Variants in PSMB1 observed in about 807,000 individuals in gnomAD.
The protein encoded by PSMB1 is proteasome 20S subunit beta 1, also known as proteasome subunit beta type-1.
A neutral mutation model predicts 25.4 loss-of-function variants in PSMB1; 7 were observed. That is an observed-to-expected ratio of 0.28 (90% confidence interval 0.16 to 0.52). The LOEUF is 0.52. Among genes scored for constraint, PSMB1 ranks in the 20% least tolerant of loss-of-function variants. The pLI is 0.97. For synonymous variants in PSMB1, 119 were observed against 115.0 expected (o/e 1.03, Z -0.22); for missense variants, 284 against 302.2 (o/e 0.94, Z 0.45).
At chr6:170,549,692 C>T (rs9356663) in intron 1 of PSMB1, 87,873 of 152,046 alleles carry the variant, frequency 0.58, 26,391 homozygotes, top group East Asian at 0.79. Context: ...AAAAGCAGAC[C>T]GCCTGGGTTC....
intron 1 of PSMB1, 81 bp from the exon 2 acceptor site, chr6:170,549,194 T>A (rs1403703372): frequency 2.8e-6 from 2 of 718,690 alleles, no homozygotes; most frequent in African/African-American, 3.6e-5. Context: ...TAGTACATAA[T>A]GGGATAAAAT....
At chr6:170,544,365 A>G (rs1406154618) in intron 3 of PSMB1, among the ~76,000 whole-genome samples, 1 of 152,202 alleles carries the variant, frequency 6.6e-6, no homozygotes, top group Admixed American at 6.5e-5. Flanking sequence ...TCCTTAAAAC[A>G]TCTACAGTAG....
rs1000678322 is a variant in PSMB1, at chr6:170,553,122, G to A, written c.113+8C>T. Reference sequence around the variant, plus strand: ...AAAGTGAAAGCCGCAGCTCTCTGGGGTTTTTACCCTCCGTTGAAAACGTAG... The same window carrying A: ...AAAGTGAAAGCCGCAGCTCTCTGGGATTTTTACCCTCCGTTGAAAACGTAG... On this transcript the variant is annotated splice_region_variant and intron_variant, in intron 1 of 5. Transcript: ENST00000262193. The A allele has an allele frequency of 1.2e-6, 2 of 1,601,064 alleles. No homozygotes were observed. The highest frequency in any genetic ancestry group is 1.7e-5 in the Admixed American group (1 of 58,538).
intron 3 of PSMB1, among the ~76,000 whole-genome samples, chr6:170,545,464 T>G (rs111609312): frequency 3.4e-4 from 51 of 152,202 alleles, no homozygotes; most frequent in African/African-American, 1.1e-3. Flanking sequence ...AAAAAGCATG[T>G]GTCAGTTAAA....
intron 1 of PSMB1, among the ~76,000 whole-genome samples, 178 bp downstream of exon 1, chr6:170,552,952 G>A (rs966360956): frequency 9.9e-5 from 15 of 152,256 alleles, no homozygotes; most frequent in African/African-American, 3.4e-4. Flanking sequence ...AGCCTGAAGA[G>A]GGAAACACAG....
chr6:170,539,690 C>CA (rs1174829822), intron 4 of PSMB1, among the ~76,000 whole-genome samples: 1 of 151,238 alleles, frequency 6.6e-6, no homozygotes, highest in South Asian at 2.1e-4. Context: ...CAACAAAATA[C>CA]AAAAAAAAAT....
intron 3 of PSMB1, 55 bp downstream of exon 3, chr6:170,546,048 A>C (rs1210528040): frequency 6.8e-7 from 1 of 1,466,708 alleles, no homozygotes; most frequent in African/African-American, 1.4e-5. Flanking sequence ...GCTTAAAAGA[A>C]TTTAATGAAT....
At chr6:170,549,273 C>G in intron 1 of PSMB1, 160 bp from the exon 2 acceptor site, 1 of 513,468 alleles carries the variant, frequency 1.9e-6, no homozygotes, top group Admixed American at 3.6e-5. Context: ...GAATGAACGC[C>G]TGGCTACGAG....
chr6:170,553,288 G>T lies in PSMB1; in HGVS notation c.-46C>A. On this transcript the variant is annotated 5_prime_UTR_variant, in exon 1 of 6. Transcript: ENST00000262193. ...TCCGACACTTGCTGTCTCACGGCGAGATGGCTGCCTTGACCGGACGTTACG... is the reference window on the plus strand; with the variant it reads ...TCCGACACTTGCTGTCTCACGGCGATATGGCTGCCTTGACCGGACGTTACG... 1.4e-6 allele frequency: 2 copies of T among 1,444,978 alleles called. No individual in the cohort carries two copies. Among genetic ancestry groups the T allele is most frequent in the Non-Finnish European group, 1.9e-6 (2 of 1,041,386 alleles). The allele number at this position is 1,444,978 out of a possible 1,614,324, so 89.5% of individuals were successfully genotyped here. A position where few individuals can be genotyped will look rare whatever the true frequency, so the allele number is the denominator to read the frequency against.
intron 3 of PSMB1, among the ~76,000 whole-genome samples, 162 bp from the exon 4 acceptor site, chr6:170,543,892 T>C (rs1778785459): frequency 1.3e-5 from 2 of 152,130 alleles, no homozygotes; most frequent in Admixed American, 6.5e-5. Flanking sequence ...TAACATAAAA[T>C]TTTAAGGGAA....
At chr6:170,536,423 T>A in intron 5 of PSMB1, 1 of 455,822 alleles carries the variant, frequency 2.2e-6, no homozygotes. Flanking sequence ...AACAAAGCAC[T>A]ATTAGTGATG....
At chr6:170,552,987 C>T (rs1251575480) in intron 1 of PSMB1, 143 bp downstream of exon 1, 4 of 655,454 alleles carry the variant, frequency 6.1e-6, no homozygotes, top group African/African-American at 3.7e-5. Flanking sequence ...GCAGGGAGAC[C>T]GGCCTTGTGC....
rs1778707269 is a variant in PSMB1, at chr6:170,537,360, T to C, written c.434-20A>G. 3 of 1,570,044 alleles carry C rather than the reference T, an allele frequency of 1.9e-6. No homozygotes were observed. In the African/African-American group the frequency reaches 4.1e-5, roughly 21 times the overall value. ...CCTTTCCTTAAAGAAGAAAACAGTA[T>C]TCATAAGGATGGTATCCAATCACAA... On this transcript the variant is annotated intron_variant, in intron 4 of 5. Coordinates refer to ENST00000262193, the MANE Select transcript of PSMB1 (RefSeq NM_002793.4).
chr6:170,537,616 G>A (rs191932852), intron 4 of PSMB1, among the ~76,000 whole-genome samples: 2 of 152,254 alleles, frequency 1.3e-5, no homozygotes, highest in East Asian at 1.9e-4. Context: ...GTAAACTGTA[G>A]GCTTGGGAGT....
In PSMB1 at chr6:170,540,928, G is replaced by A. The variant is rs138983062; in HGVS notation, c.433+2673C>T. On this transcript the variant is annotated intron_variant, in intron 4 of 5. Transcript: ENST00000262193. ...CAGGTGGTTGTGGAGAAGGTGCAGA[G>A]GGGTAGGGGAGGAGGAGAGGAAAGA... 6.8e-4 allele frequency among the ~76,000 whole-genome samples: 103 copies of A among 152,168 alleles called. 3 individuals are homozygous for A. In the East Asian group the frequency reaches 0.018, roughly 27 times the overall value.
chr6:170,536,337 T>G, intron 5 of PSMB1: 1 of 446,378 alleles, frequency 2.2e-6, no homozygotes, highest in Non-Finnish European at 4.5e-6. Context: ...AAAGTTAAAG[T>G]GATCTCTCAA....
At position 170,553,280 on chromosome 6, in the gene PSMB1, C is replaced by G; in HGVS notation, c.-38G>C. 6.6e-7 allele frequency: 1 copy of G among 1,503,990 alleles called. No homozygotes were observed. The highest frequency in any genetic ancestry group is 9.2e-7 in the Non-Finnish European group (1 of 1,092,158). 93.2% of individuals were successfully genotyped at this position (1,503,990 alleles called of 1,614,324 possible). A position where few individuals can be genotyped will look rare whatever the true frequency, so the allele number is the denominator to read the frequency against. Reference sequence around the variant, plus strand: ...CCTGCGGATCCGACACTTGCTGTCTCACGGCGAGATGGCTGCCTTGACCGG... The same window carrying G: ...CCTGCGGATCCGACACTTGCTGTCTGACGGCGAGATGGCTGCCTTGACCGG... On this transcript the variant is annotated 5_prime_UTR_variant, in exon 1 of 6. Coordinates refer to ENST00000262193, the MANE Select transcript of PSMB1 (RefSeq NM_002793.4).
At position 170,553,154 on chromosome 6, in the gene PSMB1, A is replaced by C; in HGVS notation, c.89T>G (p.Phe30Cys). 6.2e-7 allele frequency: 1 copy of C among 1,613,346 alleles called. No individual in the cohort carries two copies. The highest frequency in any genetic ancestry group is 8.5e-7 in the Non-Finnish European group (1 of 1,179,694). ...CCCTCCGTTGAAAACGTAGGGCGAA[A>C]ATCGCAGCTGCAAAGGGCCCGCGGC... ...HRAAGPLQLR[F>C]SPYVFNGGTI... is the part of the protein sequence containing the mutation. Residue 30 changes from phenylalanine (F) to cysteine (C), a missense_variant, in exon 1 of 6, where the codon TTT (phenylalanine) becomes TGT (cysteine). Transcript: ENST00000262193.
chr6:170,542,734 T>C (rs989198755), intron 4 of PSMB1, among the ~76,000 whole-genome samples: 3 of 152,164 alleles, frequency 2.0e-5, no homozygotes, highest in Non-Finnish European at 4.4e-5. Flanking sequence ...GGCAGTCCCT[T>C]ACAGGAATTC....
Sources: allele counts gnomAD v4.1 joint callset (sites outside exome capture counted in the v4.1 genomes callset), GRCh38; gene constraint gnomAD v4.1.1; transcripts MANE v1.5; gene names NCBI Gene and HGNC (gene_info 2026-07-23, HGNC 2026-07-21).